CDH9: variants seen among roughly 807,000 people sequenced by gnomAD.
CDH9 encodes the protein cadherin-9.
A neutral mutation model predicts 70.9 loss-of-function variants in CDH9; 28 were observed. The ratio of observed to expected loss-of-function variants is 0.40; its 90% CI spans 0.29 to 0.54. The LOEUF is 0.54. Among genes scored for constraint, CDH9 ranks in the 20% least tolerant of loss-of-function variants. The pLI is 0.59. For missense variants in CDH9, 874 were observed against 984.4 expected (o/e 0.89, Z 1.50); for synonymous variants, 409 against 343.1 (o/e 1.19, Z -2.12).
intron 1 of CDH9, among the ~76,000 whole-genome samples, chr5:27,014,345 T>C (rs561648842): frequency 1.3e-5 from 2 of 152,048 alleles, no homozygotes; most frequent in South Asian, 2.1e-4. Flanking sequence ...GTTCCCATGA[T>C]GGCAGTAAGC....
At chr5:26,885,506 A>C in intron 11 of CDH9, 108 bp downstream of exon 11, 4 of 941,330 alleles carry the variant, frequency 4.2e-6, no homozygotes, top group Non-Finnish European at 6.4e-6. Context: ...AAAAGTGAAA[A>C]TGTTCTATCT....
chr5:26,991,010 C>A (rs886595880), intron 1 of CDH9, among the ~76,000 whole-genome samples: 1 of 152,112 alleles, frequency 6.6e-6, no homozygotes, highest in Non-Finnish European at 1.5e-5. Context: ...GTAAGAAATT[C>A]TCATTCATTT....
At chr5:26,884,155 G>A (rs1740521394) in intron 11 of CDH9, among the ~76,000 whole-genome samples, 1 of 152,028 alleles carries the variant, frequency 6.6e-6, no homozygotes, top group Non-Finnish European at 1.5e-5. Context: ...ATTGCTCAAG[G>A]AACAAAGGTG....
At chr5:26,947,314 T>C (rs991121458) in intron 2 of CDH9, among the ~76,000 whole-genome samples, 1 of 152,106 alleles carries the variant, frequency 6.6e-6, no homozygotes, top group East Asian at 1.9e-4. Context: ...GAAAGAAATA[T>C]AAATGTGAAT....
intron 1 of CDH9, among the ~76,000 whole-genome samples, chr5:27,030,783 G>T (rs891500701): frequency 7.1e-6 from 1 of 140,316 alleles, no homozygotes; most frequent in Non-Finnish European, 1.6e-5. Flanking sequence ...TTTCCTCAAA[G>T]ATTATATTTA....
intron 1 of CDH9, among the ~76,000 whole-genome samples, chr5:26,999,242 A>T (rs1255630573): frequency 6.6e-6 from 1 of 152,130 alleles, no homozygotes; most frequent in East Asian, 1.9e-4. Context: ...CGTCTAAAAA[A>T]AAATAAAAAT....
rs1192698031 is a variant in CDH9, at chr5:26,885,622, A to G, written c.1874T>C (p.Ile625Thr). ...AGAGGGGCAGAGCTTACTAAGCAGT[A>G]TGAGGACACAGAGTAGAATCGCAAC... ...ALVAILLCVL[I>T]LLILVVLFAA... Residue 625 changes from isoleucine (I) to threonine (T), a missense_variant, in exon 11 of 12, where the codon ATA (isoleucine) becomes ACA (threonine). Transcript: ENST00000231021. 1.2e-6 allele frequency: 2 copies of G among 1,613,100 alleles called. No homozygotes were observed. The highest frequency in any genetic ancestry group is 8.5e-7 in the Non-Finnish European group (1 of 1,179,798).
intron 5 of CDH9, 138 bp from the exon 6 acceptor site, chr5:26,903,962 G>A: frequency 1.8e-6 from 1 of 544,462 alleles, no homozygotes; most frequent in South Asian, 2.6e-5. Flanking sequence ...TGTCAAAATT[G>A]TATATTTATT....
intron 1 of CDH9, among the ~76,000 whole-genome samples, chr5:26,991,416 G>T (rs1285843069): frequency 6.6e-6 from 1 of 152,164 alleles, no homozygotes; most frequent in African/African-American, 2.4e-5. Flanking sequence ...ATATCCCATT[G>T]CCAGTATGCA....
At chr5:26,949,815 T>C (rs1741813932) in intron 2 of CDH9, among the ~76,000 whole-genome samples, 1 of 152,108 alleles carries the variant, frequency 6.6e-6, no homozygotes, top group Non-Finnish European at 1.5e-5. Context: ...TGGCTGGAAA[T>C]AGGTCATGAG....
intron 2 of CDH9, 59 bp downstream of exon 2, chr5:26,988,047 G>C: frequency 2.3e-6 from 3 of 1,277,500 alleles, no homozygotes; most frequent in Non-Finnish European, 3.3e-6. Flanking sequence ...AAAAGTTGCT[G>C]GAAAAAAATA....
At position 26,902,495 on chromosome 5, in the gene CDH9, C is replaced by A. The variant is rs1286045334; in HGVS notation, c.1234G>T (p.Ala412Ser). Residue 412 changes from alanine (A) to serine (S), a missense_variant, in exon 7 of 12, where the codon GCC (alanine) becomes TCC (serine). Coordinates refer to ENST00000231021, the MANE Select transcript of CDH9 (RefSeq NM_016279.4). ...ACTTACTTTATTAAATTGTTCCTGGCATCTGGATCGTATGCTGTAACCTGT... is the reference window on the plus strand; with the variant it reads ...ACTTACTTTATTAAATTGTTCCTGGAATCTGGATCGTATGCTGTAACCTGT... ...IGQVTAYDPD[A>S]RNNLIKYSVD... 1 of 1,603,020 alleles carries A rather than the reference C, an allele frequency of 6.2e-7. No individual in the cohort carries two copies. Among genetic ancestry groups the A allele is most frequent in the African/African-American group, 1.3e-5 (1 of 74,770 alleles).
chr5:27,035,894 C>T (rs772260198), intron 1 of CDH9, among the ~76,000 whole-genome samples: 4 of 151,672 alleles, frequency 2.6e-5, no homozygotes, highest in Non-Finnish European at 5.9e-5. Flanking sequence ...GAAGCATCTG[C>T]ATTAATATTG....
chr5:26,987,167 T>C (rs1742503194), intron 2 of CDH9, among the ~76,000 whole-genome samples: 1 of 142,718 alleles, frequency 7.0e-6, no homozygotes, highest in South Asian at 2.4e-4. Context: ...AGTCAAACAA[T>C]ATGCAAACCA....
intron 2 of CDH9, among the ~76,000 whole-genome samples, chr5:26,965,810 A>G (rs540111465): frequency 6.6e-6 from 1 of 152,202 alleles, no homozygotes; most frequent in South Asian, 2.1e-4. Context: ...TGTATATAGT[A>G]CAGATTCACA....
intron 2 of CDH9, among the ~76,000 whole-genome samples, chr5:26,950,460 A>G (rs763819957): frequency 2.1e-4 from 32 of 152,222 alleles, no homozygotes; most frequent in Non-Finnish European, 3.5e-4. Flanking sequence ...TATGTTCTGA[A>G]TAGAAGTCAC....
At chr5:26,934,042 A>G (rs1333305263) in intron 2 of CDH9, among the ~76,000 whole-genome samples, 4 of 152,056 alleles carry the variant, frequency 2.6e-5, no homozygotes, top group Non-Finnish European at 5.9e-5. Context: ...ATCTGATGAG[A>G]GCCTCAGATG....
chr5:26,924,978 TC>T (rs1425596436), intron 2 of CDH9, among the ~76,000 whole-genome samples: 1 of 152,166 alleles, frequency 6.6e-6, no homozygotes, highest in African/African-American at 2.4e-5. Flanking sequence ...TGGTGCCAAG[TC>T]TTTCCTATCG....
At chr5:26,894,157 A>G (rs924951368) in intron 7 of CDH9, among the ~76,000 whole-genome samples, 1 of 152,072 alleles carries the variant, frequency 6.6e-6, no homozygotes, top group African/African-American at 2.4e-5. Context: ...ATTTCTCTCT[A>G]TTGTTGGAAA....
Sources: allele counts gnomAD v4.1 joint callset (sites outside exome capture counted in the v4.1 genomes callset), GRCh38; gene constraint gnomAD v4.1.1; transcripts MANE v1.5; gene names NCBI Gene and HGNC (gene_info 2026-07-23, HGNC 2026-07-21).